TMEM164: variants seen among roughly 807,000 people sequenced by gnomAD.
The protein encoded by TMEM164 is RP13-360B22.2.
A neutral mutation model predicts 18.8 loss-of-function variants in TMEM164; 4 were observed. That is an observed-to-expected ratio of 0.21 (90% CI 0.10 to 0.49). The LOEUF (loss-of-function observed/expected upper bound fraction) is 0.49, where lower values mean the gene tolerates loss of function less well. Among genes scored for constraint, TMEM164 ranks in the 20% least tolerant of loss-of-function variants. The pLI is 0.98. For synonymous variants in TMEM164, 86 were observed against 101.7 expected, an observed-to-expected ratio of 0.85 and a Z score of 0.93; for missense variants, 108 against 239.9, an observed-to-expected ratio of 0.45 and a Z score of 3.63.
intron 3 of TMEM164, among the ~76,000 whole-genome samples, chrX:110,083,535 A>G (rs760427692): frequency 1.2e-3 from 130 of 110,258 alleles, no homozygotes; most frequent in Non-Finnish European, 2.1e-3. Context: ...AGTCTCAACC[A>G]TTTTTTCGTC....
intron 3 of TMEM164, among the ~76,000 whole-genome samples, chrX:110,090,250 CT>C (rs1241152491): frequency 1.8e-5 from 2 of 110,203 alleles, no homozygotes; most frequent in African/African-American, 3.3e-5. Flanking sequence ...CCAAGCCCCC[CT>C]GTTCTACTTA....
chrX:110,143,365 C>T (rs1346047608), intron 4 of TMEM164, among the ~76,000 whole-genome samples: 1 of 41,911 alleles, frequency 2.4e-5, no homozygotes, highest in East Asian at 6.2e-4. Context: ...GTAGATCTCT[C>T]AGGCCTCTCC....
intron 4 of TMEM164, among the ~76,000 whole-genome samples, chrX:110,117,900 A>G (rs2066393799): frequency 8.9e-6 from 1 of 111,887 alleles, no homozygotes; most frequent in Non-Finnish European, 1.9e-5. Flanking sequence ...GGAATTCTAC[A>G]AATACCACTC....
At chrX:110,019,614 AAC>A (rs201891861) in intron 2 of TMEM164, among the ~76,000 whole-genome samples, 2,835 of 112,102 alleles carry the variant, frequency 0.025, 95 homozygotes, top group African/African-American at 0.087. Flanking sequence ...AGGGATGGTA[AAC>A]ACATAGATGC....
At chrX:110,099,785 G>A (rs1416481195) in intron 3 of TMEM164, among the ~76,000 whole-genome samples, 3 of 112,178 alleles carry the variant, frequency 2.7e-5, no homozygotes, top group East Asian at 2.8e-4. Context: ...TCTATAGATC[G>A]TTTTGGTGAG....
chrX:110,030,824 A>C (rs1379010683), intron 2 of TMEM164, among the ~76,000 whole-genome samples: 1 of 109,659 alleles, frequency 9.1e-6, no homozygotes, highest in Non-Finnish European at 1.9e-5. Flanking sequence ...AAAAAAAAAA[A>C]AGAAAAAGAA....
At position 110,030,786 on chromosome X, in the gene TMEM164, G is replaced by A. The variant is rs1320447823; in HGVS notation, c.390+26622G>A. Reference sequence around the variant, plus strand: ...AGATCGCGCCACTGCACTCCAGCCTGGGCGACAGAGCAAGACTCTGTCTCA... The same window carrying A: ...AGATCGCGCCACTGCACTCCAGCCTAGGCGACAGAGCAAGACTCTGTCTCA... On this transcript the variant is annotated intron_variant, in intron 2 of 6. Transcript: ENST00000372068. Among the ~76,000 whole-genome samples the A allele has an allele frequency of 2.8e-4, 27 of 95,744 alleles. No individual in the cohort carries two copies. In the East Asian group the frequency reaches 8.4e-3, roughly 30 times the overall value. The allele number at this position is 95,744 out of a possible 115,157, so 83.1% of individuals were successfully genotyped here.
downstream of TMEM164, among the ~76,000 whole-genome samples, chrX:110,183,355 G>A (rs1273622690): frequency 1.8e-5 from 2 of 112,623 alleles, no homozygotes; most frequent in African/African-American, 6.5e-5. Flanking sequence ...GCTAAAGAGA[G>A]ATAGCAGATC....
intron 4 of TMEM164, among the ~76,000 whole-genome samples, chrX:110,126,728 T>C (rs1414320519): frequency 9.1e-6 from 1 of 110,264 alleles, no homozygotes; most frequent in Admixed American, 9.7e-5. Context: ...AATCTCACCT[T>C]AGTGTAGTTG....
Position 110,146,927 on chromosome X carries a change from C to T in TMEM164, c.586+2051C>T, listed in dbSNP as rs554851986. 1.2e-4 allele frequency among the ~76,000 whole-genome samples: 13 copies of T among 112,311 alleles called. No homozygotes were observed. The South Asian group carries it at 4.8e-3, about 41-fold the overall frequency. ...TCTGGGGCTTCTGTTCCCTAGAAGT[C>T]GCTTGTAATTTTGTAGAAATAAATG... On this transcript the variant is annotated intron_variant, in intron 5 of 6. Coordinates refer to ENST00000372068, the MANE Select transcript of TMEM164 (RefSeq NM_032227.4).
chrX:110,030,162 C>G (rs1934408464), intron 2 of TMEM164, among the ~76,000 whole-genome samples: 2 of 81,281 alleles, frequency 2.5e-5, no homozygotes, highest in South Asian at 9.1e-4. Flanking sequence ...CTCTGTCACC[C>G]AGGCTGGAGT....
At chrX:110,150,266 G>A (rs188423621) in intron 5 of TMEM164, among the ~76,000 whole-genome samples, 11 of 111,798 alleles carry the variant, frequency 9.8e-5, no homozygotes, top group African/African-American at 3.6e-4. Context: ...GTGACTTCTT[G>A]TAGATGGGCA....
At chrX:110,019,901 G>A (rs189942921) in intron 2 of TMEM164, among the ~76,000 whole-genome samples, 42 of 111,705 alleles carry the variant, frequency 3.8e-4, no homozygotes, top group African/African-American at 1.2e-3. Context: ...TCTTCCATGT[G>A]TTCTCTGATC....
intron 2 of TMEM164, among the ~76,000 whole-genome samples, chrX:110,050,292 C>T (rs768820806): frequency 2.7e-5 from 3 of 111,749 alleles, no homozygotes; most frequent in African/African-American, 6.5e-5. Context: ...TGGCAAAACA[C>T]GTTTTGGTGC....
At position 110,176,457 on chromosome X, in the gene TMEM164, C is replaced by T. The variant is rs1321720566; in HGVS notation, c.*3006C>T. ...CTCCCCAAGTCAGCAATCTCTTTCT[C>T]TCTCTCTCCTCAAACTTCATCGCAT... On this transcript the variant is annotated 3_prime_UTR_variant, in exon 7 of 7. Transcript: ENST00000372068. 1 of 746,706 alleles carries T rather than the reference C, an allele frequency of 1.3e-6. No homozygotes were observed. Among genetic ancestry groups the T allele is most frequent in the Admixed American group, 8.8e-5 (1 of 11,424 alleles). The allele number at this position is 746,706 out of a possible 1,213,427, so 61.5% of individuals were successfully genotyped here. A position where few individuals can be genotyped will look rare whatever the true frequency, so the allele number is the denominator to read the frequency against.
intron 2 of TMEM164, among the ~76,000 whole-genome samples, chrX:110,031,368 T>C (rs1934498328): frequency 8.9e-6 from 1 of 112,223 alleles, no homozygotes; most frequent in South Asian, 3.7e-4. Flanking sequence ...CACTCAGGCT[T>C]GAGTGCAGCA....
intron 5 of TMEM164, among the ~76,000 whole-genome samples, chrX:110,156,657 C>T (rs952667437): frequency 9.0e-6 from 1 of 111,526 alleles, no homozygotes; most frequent in African/African-American, 3.3e-5. Flanking sequence ...ATGTATTTCT[C>T]GCAGTTCTGG....
At chrX:110,070,124 T>C (rs1443094132) in intron 3 of TMEM164, among the ~76,000 whole-genome samples, 1 of 111,356 alleles carries the variant, frequency 9.0e-6, no homozygotes, top group Non-Finnish European at 1.9e-5. Flanking sequence ...GAGACTAGCC[T>C]GGCTAACATA....
chrX:110,010,797 A>G lies in TMEM164; in HGVS notation c.390+6633A>G, dbSNP rs376091376. On this transcript the variant is annotated intron_variant, in intron 2 of 6. Transcript: ENST00000372068. ...AGGATGAGGGCCCCAAGTTATTGTG[A>G]AGAGGGTTTTAAGGTAGCTGTAGAG... Among the ~76,000 whole-genome samples, 9 of 111,818 alleles carry G rather than the reference A, an allele frequency of 8.0e-5. No individual in the cohort carries two copies. In the East Asian group the frequency reaches 2.0e-3, roughly 24 times the overall value.
Sources: allele counts gnomAD v4.1 joint callset (sites outside exome capture counted in the v4.1 genomes callset), GRCh38; gene constraint gnomAD v4.1.1; transcripts MANE v1.5; gene names NCBI Gene and HGNC (gene_info 2026-07-23, HGNC 2026-07-21).